NLRC4: variants seen among roughly 807,000 people sequenced by gnomAD.
NLRC4 encodes the protein NLR family CARD domain-containing protein 4.
In NLRC4, 63 loss-of-function variants were observed where a neutral mutation model predicts 79.9. The observed-to-expected ratio is 0.79, with a 90% CI of 0.64 to 0.97. The LOEUF (loss-of-function observed/expected upper bound fraction) is 0.97, where lower values mean the gene tolerates loss of function less well. NLRC4 is among the 50% of genes least tolerant of loss of function. The probability of loss-of-function intolerance (pLI) is 0.00; values close to 1 mark genes in which losing one functional copy is unlikely to be tolerated. For missense variants in NLRC4, 1,074 were observed against 1,215.2 expected (o/e 0.88, Z 1.73); for synonymous variants, 461 against 456.5 (o/e 1.01, Z -0.12).
At chr2:32,224,880 G>A in intron 8 of NLRC4, 115 bp from the exon 9 acceptor site, 1 of 609,906 alleles carries the variant, frequency 1.6e-6, no homozygotes, top group Non-Finnish European at 2.8e-6. Flanking sequence ...GGCCATGTTT[G>A]AACCAGTGCT....
intron 1 of NLRC4, among the ~76,000 whole-genome samples, chr2:32,261,316 C>CCCCTTTTTTTTTTTTTTTT: frequency 2.2e-4 from 21 of 96,876 alleles, no homozygotes; most frequent in Non-Finnish European, 3.7e-4. Context: ...AGCCTCCCCC[C>CCCCTTTTTTTTTTTTTTTT]TTTTGTTTTT....
chr2:32,225,409 A>ATG (rs35323064), intron 8 of NLRC4, among the ~76,000 whole-genome samples: 3,914 of 149,112 alleles, frequency 0.026, 48 homozygotes, highest in South Asian at 0.047. Flanking sequence ...CATACAAAGG[A>ATG]TGTGTGTGTG....
Position 32,236,392 on chromosome 2 carries a change from T to C in NLRC4, c.2522-53A>G, listed in dbSNP as rs112051069. The C allele has an allele frequency of 3.0e-5, 32 of 1,066,198 alleles. 3 individuals are homozygous for C. The highest frequency in any genetic ancestry group is 2.7e-4 in the African/African-American group (15 of 55,950). The allele number at this position is 1,066,198 out of a possible 1,614,324, so 66.0% of individuals were successfully genotyped here. On this transcript the variant is annotated intron_variant, in intron 6 of 8. Coordinates refer to ENST00000402280, the MANE Select transcript of NLRC4 (RefSeq NM_001199138.2). ...AAAGATTTTCAGGTAAATATAAATG[T>C]ATTTTGAAGTATCCTTAGAATAATT...
At chr2:32,247,695 C>G (rs911657382) in intron 4 of NLRC4, among the ~76,000 whole-genome samples, 1 of 152,032 alleles carries the variant, frequency 6.6e-6, no homozygotes, top group Non-Finnish European at 1.5e-5. Flanking sequence ...TCTTTCCAAT[C>G]AGACTACAGC....
At chr2:32,236,486 A>G in intron 6 of NLRC4, 147 bp from the exon 7 acceptor site, 1 of 607,716 alleles carries the variant, frequency 1.6e-6, no homozygotes, top group East Asian at 2.9e-5. Context: ...AATTATTTCC[A>G]AAGGCTCTGG....
intron 1 of NLRC4, 93 bp from the exon 2 acceptor site, chr2:32,256,986 T>TGTTTTTTAATGATAC: frequency 2.0e-6 from 1 of 506,936 alleles, no homozygotes; most frequent in Non-Finnish European, 3.5e-6. Flanking sequence ...GATGAGAAAA[T>TGTTTTTTAATGATAC]GGTGACCCAA....
intron 8 of NLRC4, among the ~76,000 whole-genome samples, chr2:32,230,936 G>T (rs1291461547): frequency 6.6e-6 from 1 of 152,084 alleles, no homozygotes; most frequent in East Asian, 1.9e-4. Context: ...GTTATTGTAT[G>T]TCTTTTAATA....
chr2:32,235,370 A>G (rs372545723), intron 8 of NLRC4, 31 bp downstream of exon 8: 46 of 1,559,030 alleles, frequency 3.0e-5, no homozygotes, highest in Middle Eastern at 1.7e-4. Context: ...GGCCAAATCC[A>G]GTTATCTTGG....
chr2:32,259,593 T>A (rs1687290964), intron 1 of NLRC4, among the ~76,000 whole-genome samples: 1 of 152,066 alleles, frequency 6.6e-6, no homozygotes. Flanking sequence ...TAGGAAAAAT[T>A]CACCTACAGT....
chr2:32,227,921 C>A (rs1573466131), intron 8 of NLRC4, among the ~76,000 whole-genome samples: 1 of 152,258 alleles, frequency 6.6e-6, no homozygotes, highest in East Asian at 1.9e-4. Flanking sequence ...GGAAAAATCT[C>A]AGATGCCCTG....
intron 2 of NLRC4, among the ~76,000 whole-genome samples, chr2:32,254,864 C>T (rs1035503546): frequency 4.6e-5 from 7 of 151,710 alleles, no homozygotes; most frequent in South Asian, 2.1e-4. Flanking sequence ...GTGATCTGCC[C>T]GTCTCAGCTT....
intron 1 of NLRC4, among the ~76,000 whole-genome samples, chr2:32,260,888 T>C (rs1328908888): frequency 6.6e-6 from 1 of 152,102 alleles, no homozygotes. Context: ...CTTCTCAAGT[T>C]CATCTATAAA....
intron 4 of NLRC4, among the ~76,000 whole-genome samples, chr2:32,241,369 C>CTTTTT (rs34150887): frequency 3.8e-4 from 28 of 74,360 alleles, no homozygotes; most frequent in Non-Finnish European, 4.8e-4. Context: ...AAAAAATTTC[C>CTTTTT]TTTTTTTTTT....
At chr2:32,256,170 C>A (rs985978922) in intron 2 of NLRC4, among the ~76,000 whole-genome samples, 9 of 151,948 alleles carry the variant, frequency 5.9e-5, no homozygotes, top group African/African-American at 1.9e-4. Flanking sequence ...ATTATTCATT[C>A]TTTTCAGAAT....
In NLRC4 at chr2:32,249,659, T is replaced by A. The variant is rs984532435; in HGVS notation, c.2205A>T (p.Val735=). The A allele has an allele frequency of 3.1e-6, 5 of 1,612,996 alleles. No homozygotes were observed. The East Asian group carries it at 8.9e-5, about 29-fold the overall frequency. ...TIEDERHITS[V]TNLKTLSIHD... is the part of the protein sequence containing the mutation. The stretch of plus-strand genomic sequence containing the variant: ...GAATACTCAAGGTTTTCAGGTTTGT[T>A]ACAGATGTGATGTGCCTCTCATCTT... Residue 735 remains valine, a synonymous_variant, in exon 4 of 9, where the codon GTA becomes GTT. Coordinates refer to ENST00000402280, the MANE Select transcript of NLRC4 (RefSeq NM_001199138.2).
At chr2:32,252,935 G>A (rs1426242367) in intron 2 of NLRC4, among the ~76,000 whole-genome samples, 5 of 151,834 alleles carry the variant, frequency 3.3e-5, no homozygotes, top group African/African-American at 7.3e-5. Context: ...GGAGAATGGC[G>A]TGAACCCAGG....
intron 8 of NLRC4, among the ~76,000 whole-genome samples, chr2:32,232,755 G>A (rs1466441552): frequency 2.0e-5 from 3 of 152,208 alleles, no homozygotes; most frequent in Non-Finnish European, 4.4e-5. Context: ...AAGGTAGCGG[G>A]ATCGACGGAC....
At chr2:32,234,243 G>T (rs778657266) in intron 8 of NLRC4, among the ~76,000 whole-genome samples, 4 of 151,928 alleles carry the variant, frequency 2.6e-5, no homozygotes, top group Non-Finnish European at 5.9e-5. Context: ...AAAATTAGGC[G>T]TGGTGGCTGG....
chr2:32,228,678 T>C (rs1421450455), intron 8 of NLRC4, among the ~76,000 whole-genome samples: 1 of 151,980 alleles, frequency 6.6e-6, no homozygotes, highest in African/African-American at 2.4e-5. Context: ...TTTTGGAAAA[T>C]AAAATATGAT....
Sources: allele counts gnomAD v4.1 joint callset (sites outside exome capture counted in the v4.1 genomes callset), GRCh38; gene constraint gnomAD v4.1.1; transcripts MANE v1.5; gene names NCBI Gene and HGNC (gene_info 2026-07-23, HGNC 2026-07-21).